The following CNTN6 variants were observed in gnomAD, a reference collection of about 807,000 sequenced individuals.
CNTN6 encodes contactin-6.
Under a neutral mutation model 122.8 loss-of-function variants are expected in CNTN6, and 137 were observed. The observed-to-expected ratio is 1.12, with a 90% CI of 0.97 to 1.29. The LOEUF (loss-of-function observed/expected upper bound fraction) is 1.29. CNTN6 is among the 50% of genes most tolerant of loss of function. The probability of loss-of-function intolerance (pLI) is 0.00; values close to 1 mark genes in which losing one functional copy is unlikely to be tolerated. For synonymous variants in CNTN6, 570 were observed against 426.0 expected (o/e 1.34, Z -4.16); for missense variants, 1,634 against 1,223.4 (o/e 1.34, Z -5.01).
chr3:1,378,600 G>A (rs3843386), intron 17 of CNTN6, among the ~76,000 whole-genome samples: 49,657 of 151,906 alleles, frequency 0.33, 8,530 homozygotes, highest in East Asian at 0.58. Flanking sequence ...TCAGAGGCCA[G>A]ACAGAGGGGG....
At chr3:1,372,776 A>G in intron 13 of CNTN6, 62 bp from the exon 14 acceptor site, 1 of 983,644 alleles carries the variant, frequency 1.0e-6, no homozygotes, top group Non-Finnish European at 1.6e-6. Context: ...CAGCTGTAAC[A>G]ATAAAGTAGG....
intron 12 of CNTN6, among the ~76,000 whole-genome samples, chr3:1,365,932 T>C (rs563351280): frequency 4.6e-5 from 7 of 152,268 alleles, no homozygotes; most frequent in South Asian, 2.1e-4. Flanking sequence ...AGACAATATA[T>C]TTTATATTTG....
intron 1 of CNTN6, among the ~76,000 whole-genome samples, chr3:1,139,787 C>T (rs973783147): frequency 6.6e-6 from 1 of 152,098 alleles, no homozygotes; most frequent in African/African-American, 2.4e-5. Flanking sequence ...GGTACAGAAG[C>T]AGCTGGATTG....
At chr3:1,200,385 GC>G (rs2093845819) in intron 2 of CNTN6, among the ~76,000 whole-genome samples, 1 of 152,144 alleles carries the variant, frequency 6.6e-6, no homozygotes, top group African/African-American at 2.4e-5. Flanking sequence ...ACTGAGCACT[GC>G]GTGGGCTTAG....
intron 2 of CNTN6, among the ~76,000 whole-genome samples, chr3:1,178,295 T>A (rs2125326802): frequency 6.6e-6 from 1 of 152,266 alleles, no homozygotes; most frequent in East Asian, 1.9e-4. Flanking sequence ...TCTCTCTTTG[T>A]GTTTTAGTTT....
chr3:1,369,627 A>G (rs1009536948), intron 12 of CNTN6, among the ~76,000 whole-genome samples: 1 of 152,126 alleles, frequency 6.6e-6, no homozygotes, highest in Non-Finnish European at 1.5e-5. Context: ...TGGTGTCATA[A>G]ATGGAAGGAC....
At chr3:1,300,040 G>C (rs1696928571) in intron 7 of CNTN6, among the ~76,000 whole-genome samples, 1 of 151,876 alleles carries the variant, frequency 6.6e-6, no homozygotes, top group Non-Finnish European at 1.5e-5. Flanking sequence ...GCAGTGGCTT[G>C]ATCTCAGCTC....
intron 20 of CNTN6, among the ~76,000 whole-genome samples, chr3:1,387,234 G>A (rs922467871): frequency 9.8e-5 from 15 of 152,290 alleles, no homozygotes; most frequent in African/African-American, 2.6e-4. Context: ...AAAAGCCTGT[G>A]GAGCAAAAAT....
At chr3:1,214,036 A>G (rs908752733) in intron 2 of CNTN6, among the ~76,000 whole-genome samples, 1 of 151,904 alleles carries the variant, frequency 6.6e-6, no homozygotes, top group Non-Finnish European at 1.5e-5. Flanking sequence ...TTTGTTGTTT[A>G]TCTTATCGAG....
chr3:1,222,045 A>C (rs2094214071), intron 3 of CNTN6, among the ~76,000 whole-genome samples: 1 of 152,218 alleles, frequency 6.6e-6, no homozygotes, highest in Non-Finnish European at 1.5e-5. Context: ...TCAAAGCTAA[A>C]GGCAATTCTA....
chr3:1,185,772 C>A (rs2093620709), intron 2 of CNTN6, among the ~76,000 whole-genome samples: 1 of 152,090 alleles, frequency 6.6e-6, no homozygotes, highest in Non-Finnish European at 1.5e-5. Flanking sequence ...AATCCCTGTA[C>A]CTCACTTTTC....
intron 2 of CNTN6, among the ~76,000 whole-genome samples, chr3:1,194,263 T>C (rs543135074): frequency 1.8e-4 from 28 of 152,248 alleles, no homozygotes; most frequent in Admixed American, 9.2e-4. Context: ...TTGATATTTT[T>C]AAAGGGAGAC....
chr3:1,383,260 C>A (rs770280743), intron 18 of CNTN6, 33 bp from the exon 19 acceptor site: 10 of 1,597,946 alleles, frequency 6.3e-6, no homozygotes, highest in Non-Finnish European at 8.6e-6. Context: ...AACCACTCTG[C>A]TAAAGATGGT....
intron 5 of CNTN6, among the ~76,000 whole-genome samples, chr3:1,283,133 C>T (rs1176996096): frequency 6.6e-6 from 1 of 152,122 alleles, no homozygotes; most frequent in Non-Finnish European, 1.5e-5. Context: ...CCACCACACC[C>T]AGCTAATTTT....
chr3:1,377,205 C>T, intron 17 of CNTN6, 130 bp downstream of exon 17: 1 of 556,398 alleles, frequency 1.8e-6, no homozygotes. Flanking sequence ...AATACATCAT[C>T]CTGATGATGA....
Position 1,337,542 on chromosome 3 carries a change from T to A in CNTN6, c.1364+7607T>A, listed in dbSNP as rs543229462. Among the ~76,000 whole-genome samples, 3 of 152,238 alleles carry A rather than the reference T, an allele frequency of 2.0e-5. No individual in the cohort carries two copies. In the South Asian group the frequency reaches 6.2e-4, roughly 32 times the overall value. ...TTCCTAATGGAACAAGCAAATAAAC[T>A]TAATTTTATTTTGTATCTCCAACTA... On this transcript the variant is annotated intron_variant, in intron 11 of 22. Transcript: ENST00000446702.
chr3:1,327,147 T>A (rs1701648940), intron 9 of CNTN6, among the ~76,000 whole-genome samples: 1 of 151,940 alleles, frequency 6.6e-6, no homozygotes. Flanking sequence ...TTTCCTGGAA[T>A]AATTAGGACG....
At chr3:1,256,104 C>G (rs1007845423) in intron 4 of CNTN6, among the ~76,000 whole-genome samples, 5 of 152,090 alleles carry the variant, frequency 3.3e-5, no homozygotes, top group Non-Finnish European at 7.4e-5. Flanking sequence ...CTCCTGGGTT[C>G]AAATGATCCT....
chr3:1,182,242 T>C (rs2093565701), intron 2 of CNTN6, among the ~76,000 whole-genome samples: 1 of 152,168 alleles, frequency 6.6e-6, no homozygotes, highest in South Asian at 2.1e-4. Context: ...TCAACATCCC[T>C]GTGCATGAAC....
Sources: allele counts gnomAD v4.1 joint callset (sites outside exome capture counted in the v4.1 genomes callset), GRCh38; gene constraint gnomAD v4.1.1; transcripts MANE v1.5; gene names NCBI Gene and HGNC (gene_info 2026-07-23, HGNC 2026-07-21).